AMMECR1: variants seen among roughly 807,000 people sequenced by gnomAD.
AMMECR1 encodes AMMECR nuclear protein 1, also known as nuclear protein AMMECR1.
In AMMECR1, 3 loss-of-function variants were observed where a neutral mutation model predicts 22.5. That is an observed-to-expected ratio of 0.13 (90% CI 0.06 to 0.35). The LOEUF (loss-of-function observed/expected upper bound fraction) is 0.35, where lower values mean the gene tolerates loss of function less well. Ranked by LOEUF, AMMECR1 falls within the 10% of genes least tolerant of loss-of-function variation. The probability of loss-of-function intolerance (pLI) is 1.00; values close to 1 mark genes in which losing one functional copy is unlikely to be tolerated. For missense variants in AMMECR1, 235 were observed against 278.7 expected (o/e 0.84, Z 1.12); for synonymous variants, 130 against 116.7 (o/e 1.11, Z -0.74).
At chrX:110,366,491 C>A (rs1292294562) in intron 2 of AMMECR1, among the ~76,000 whole-genome samples, 1 of 111,740 alleles carries the variant, frequency 8.9e-6, no homozygotes, top group Non-Finnish European at 1.9e-5. Flanking sequence ...GACTTGCTAA[C>A]AAGAATGGAC....
At chrX:110,430,819 A>G (rs1031472485) in intron 1 of AMMECR1, among the ~76,000 whole-genome samples, 1 of 112,620 alleles carries the variant, frequency 8.9e-6, no homozygotes, top group Non-Finnish European at 1.9e-5. Context: ...TAAACACAGG[A>G]GTGCTTTGAA....
chrX:110,317,501 G>A, intron 1 of AMMECR1, 98 bp downstream of exon 1: 1 of 1,083,674 alleles, frequency 9.2e-7, no homozygotes, highest in Non-Finnish European at 1.2e-6. Context: ...CGAGAGGGCA[G>A]GGGCATCCGC....
chrX:110,399,337 T>A (rs922917227), intron 2 of AMMECR1, among the ~76,000 whole-genome samples: 4 of 112,054 alleles, frequency 3.6e-5, no homozygotes, highest in Non-Finnish European at 7.5e-5. Flanking sequence ...AGTGAGCAAG[T>A]GGTAAAACTG....
intron 1 of AMMECR1, among the ~76,000 whole-genome samples, chrX:110,317,353 G>C (rs2068053840): frequency 8.9e-6 from 1 of 111,767 alleles, no homozygotes; most frequent in African/African-American, 3.3e-5. Context: ...TCATCGCAAA[G>C]AGAAAGCTAA....
At chrX:110,226,439 A>C (rs1166932498) in intron 2 of AMMECR1, among the ~76,000 whole-genome samples, 6 of 111,368 alleles carry the variant, frequency 5.4e-5, no homozygotes, top group African/African-American at 2.0e-4. Context: ...CCCCATCTCT[A>C]CTAAAAATAC....
intron 2 of AMMECR1, among the ~76,000 whole-genome samples, chrX:110,410,432 G>T (rs1030761496): frequency 8.9e-6 from 1 of 112,125 alleles, no homozygotes; most frequent in Non-Finnish European, 1.9e-5. Context: ...TATCTTTGAC[G>T]ATGTCTATCC....
chrX:110,255,362 A>T (rs2067705544), intron 2 of AMMECR1, among the ~76,000 whole-genome samples: 1 of 111,695 alleles, frequency 9.0e-6, no homozygotes, highest in African/African-American at 3.3e-5. Flanking sequence ...TACAAGTCTA[A>T]CCAGCAGTGT....
intron 2 of AMMECR1, among the ~76,000 whole-genome samples, chrX:110,405,724 C>A (rs1044338477): frequency 9.0e-6 from 1 of 111,404 alleles, no homozygotes; most frequent in Non-Finnish European, 1.9e-5. Flanking sequence ...TGCTATTACC[C>A]TCAATTTCCA....
At position 110,369,050 on chromosome X, in the gene AMMECR1, T is replaced by C. The variant is rs768655419; in HGVS notation, c.-147-51201A>G. ...TATTTAACTCCTAGAAAGATCTTTG[T>C]GGCTGTGTGCGGTGGCTCACGCCTG... is the stretch of plus-strand genomic sequence containing the variant. On this transcript the variant is annotated intron_variant, in intron 2 of 7. Transcript: ENST00000372057. 3.6e-5 allele frequency among the ~76,000 whole-genome samples: 4 copies of C among 112,314 alleles called. No homozygotes were observed. In the Admixed American group the frequency reaches 3.8e-4, roughly 11 times the overall value.
chrX:110,297,379 T>C (rs886935078), intron 1 of AMMECR1, among the ~76,000 whole-genome samples: 3 of 111,411 alleles, frequency 2.7e-5, no homozygotes, highest in African/African-American at 9.8e-5. Flanking sequence ...ACAAGCCTCG[T>C]GAATGGGGCC....
intron 2 of AMMECR1, among the ~76,000 whole-genome samples, chrX:110,360,849 A>G (rs2068258380): frequency 9.0e-6 from 1 of 111,572 alleles, no homozygotes; most frequent in Non-Finnish European, 1.9e-5. Flanking sequence ...GAGAGACATT[A>G]TACAGGAAGA....
chrX:110,338,521 C>T (rs997812206), intron 2 of AMMECR1, among the ~76,000 whole-genome samples: 9 of 111,851 alleles, frequency 8.0e-5, no homozygotes, highest in South Asian at 3.7e-4. Context: ...TATGATCAGC[C>T]GTTTTTCTAA....
At chrX:110,221,554 T>C (rs1275207263) in intron 2 of AMMECR1, among the ~76,000 whole-genome samples, 1 of 111,945 alleles carries the variant, frequency 8.9e-6, no homozygotes, top group Non-Finnish European at 1.9e-5. Flanking sequence ...GTTTCAATTG[T>C]AAGCTATATG....
At chrX:110,263,257 T>C (rs1309111895) in intron 2 of AMMECR1, among the ~76,000 whole-genome samples, 1 of 111,939 alleles carries the variant, frequency 8.9e-6, no homozygotes, top group Non-Finnish European at 1.9e-5. Flanking sequence ...ATATTATCTT[T>C]AACAAGTTGA....
chrX:110,369,411 G>C (rs1477476827), intron 2 of AMMECR1, among the ~76,000 whole-genome samples: 1 of 111,837 alleles, frequency 8.9e-6, no homozygotes, highest in Non-Finnish European at 1.9e-5. Flanking sequence ...TTTTTGAATA[G>C]GTATTAGGTG....
At chrX:110,215,610 G>C (rs992014727) in intron 3 of AMMECR1, among the ~76,000 whole-genome samples, 1 of 112,020 alleles carries the variant, frequency 8.9e-6, no homozygotes, top group African/African-American at 3.2e-5. Context: ...GTGTGAGAGA[G>C]AATGTTATGT....
chrX:110,201,958 T>C, intron 4 of AMMECR1, among the ~76,000 whole-genome samples: 1 of 111,985 alleles, frequency 8.9e-6, no homozygotes, highest in East Asian at 2.8e-4. Context: ...AGACCAAGCA[T>C]ATAAAACACT....
chrX:110,232,084 A>G lies in AMMECR1; in HGVS notation c.585-15452T>C, dbSNP rs899153004. ...TAATAATGGGAGACTTTAACACCCC[A>G]TTGTCAATATTTGACAGATCAACGA... is the stretch of plus-strand genomic sequence containing the variant. On this transcript the variant is annotated intron_variant, in intron 2 of 5. Coordinates refer to ENST00000262844, the MANE Select transcript of AMMECR1 (RefSeq NM_015365.3). 2.7e-5 allele frequency among the ~76,000 whole-genome samples: 3 copies of G among 110,778 alleles called. No homozygotes were observed. In the East Asian group the frequency reaches 8.5e-4, roughly 31 times the overall value.
intron 1 of AMMECR1, among the ~76,000 whole-genome samples, chrX:110,265,354 A>C (rs2067762899): frequency 8.9e-6 from 1 of 112,247 alleles, no homozygotes; most frequent in Non-Finnish European, 1.9e-5. Context: ...AGACATTAAC[A>C]AAATAATACT....
Sources: allele counts gnomAD v4.1 joint callset (sites outside exome capture counted in the v4.1 genomes callset), GRCh38; gene constraint gnomAD v4.1.1; transcripts MANE v1.5; gene names NCBI Gene and HGNC (gene_info 2026-07-23, HGNC 2026-07-21).